BAIAP2L1: variants seen among roughly 807,000 people sequenced by gnomAD.
The protein encoded by BAIAP2L1 is BAR/IMD domain-containing adapter protein 2-like 1.
In BAIAP2L1, 35 loss-of-function variants were observed where a neutral mutation model predicts 66.3. The ratio of observed to expected loss-of-function variants is 0.53; its 90% CI spans 0.40 to 0.70. The LOEUF is 0.70. Among genes scored for constraint, BAIAP2L1 ranks in the 30% least tolerant of loss-of-function variants. BAIAP2L1 has a pLI of 0.00. For missense variants in BAIAP2L1, 622 were observed against 656.9 expected (o/e 0.95, Z 0.58); for synonymous variants, 269 against 248.7 (o/e 1.08, Z -0.77).
chr7:98,395,436 CAAA>C (rs36036652), intron 1 of BAIAP2L1, among the ~76,000 whole-genome samples: 2 of 121,194 alleles, frequency 1.7e-5, no homozygotes, highest in Non-Finnish European at 1.7e-5. Context: ...AAGACTGTCT[CAAA>C]AAAAAAAAAA....
At chr7:98,393,584 G>A (rs1450840152) in intron 1 of BAIAP2L1, among the ~76,000 whole-genome samples, 1 of 151,420 alleles carries the variant, frequency 6.6e-6, no homozygotes, top group Non-Finnish European at 1.5e-5. Flanking sequence ...TGCAAGCTCC[G>A]CCTCCTGGGT....
intron 1 of BAIAP2L1, among the ~76,000 whole-genome samples, chr7:98,395,829 G>A (rs1017874584): frequency 6.6e-6 from 1 of 151,790 alleles, no homozygotes; most frequent in African/African-American, 2.4e-5. Flanking sequence ...TCAGGAGTGC[G>A]TGACCAGCCT....
intron 1 of BAIAP2L1, among the ~76,000 whole-genome samples, chr7:98,387,394 C>A (rs888080007): frequency 2.6e-5 from 4 of 152,116 alleles, no homozygotes; most frequent in Non-Finnish European, 5.9e-5. Context: ...AAGCTCAGCC[C>A]GTACCTAACA....
intron 1 of BAIAP2L1, among the ~76,000 whole-genome samples, chr7:98,384,433 T>C (rs895615214): frequency 3.3e-5 from 5 of 152,290 alleles, no homozygotes; most frequent in East Asian, 3.9e-4. Flanking sequence ...CTAAGTGCTC[T>C]TGCCTGCCTA....
At chr7:98,390,705 C>A (rs1803016556) in intron 1 of BAIAP2L1, among the ~76,000 whole-genome samples, 1 of 151,162 alleles carries the variant, frequency 6.6e-6, no homozygotes, top group African/African-American at 2.4e-5. Context: ...GCACTACAGC[C>A]TGGGTGACAG....
At chr7:98,343,086 C>G (rs1801781791) in intron 3 of BAIAP2L1, among the ~76,000 whole-genome samples, 1 of 151,828 alleles carries the variant, frequency 6.6e-6, no homozygotes, top group Non-Finnish European at 1.5e-5. Flanking sequence ...GACCCCATGA[C>G]CTATTATTTA....
chr7:98,295,274 G>A (rs1384095555), intron 12 of BAIAP2L1, among the ~76,000 whole-genome samples: 1 of 152,164 alleles, frequency 6.6e-6, no homozygotes, highest in African/African-American at 2.4e-5. Flanking sequence ...GAGCCCCAGG[G>A]CTGTGCCTGA....
intron 3 of BAIAP2L1, among the ~76,000 whole-genome samples, chr7:98,336,010 C>T (rs567595992): frequency 7.9e-5 from 12 of 152,258 alleles, no homozygotes; most frequent in Admixed American, 7.2e-4. Context: ...ATGGATGCAG[C>T]TGGAGGCCAG....
chr7:98,337,048 G>T (rs990864887), intron 3 of BAIAP2L1, among the ~76,000 whole-genome samples: 1 of 152,086 alleles, frequency 6.6e-6, no homozygotes, highest in Non-Finnish European at 1.5e-5. Context: ...CCTGAATTTC[G>T]TATTTCCATT....
intron 9 of BAIAP2L1, chr7:98,308,583 C>T (rs1562967959): frequency 3.2e-6 from 1 of 314,862 alleles, no homozygotes; most frequent in Non-Finnish European, 6.3e-6. Flanking sequence ...ATACTCTCTA[C>T]CCATGAGCAC....
intron 11 of BAIAP2L1, among the ~76,000 whole-genome samples, chr7:98,304,752 T>C (rs562219280): frequency 1.3e-5 from 2 of 152,146 alleles, no homozygotes; most frequent in African/African-American, 2.4e-5. Context: ...TTTCACCATA[T>C]TGGCCAGGCT....
intron 1 of BAIAP2L1, among the ~76,000 whole-genome samples, chr7:98,368,362 T>C (rs1394815678): frequency 6.6e-6 from 1 of 152,144 alleles, no homozygotes; most frequent in African/African-American, 2.4e-5. Flanking sequence ...GAGGTTGCAG[T>C]GAGCTGAGAC....
chr7:98,391,934 T>C (rs1382199559), intron 1 of BAIAP2L1, among the ~76,000 whole-genome samples: 2 of 152,086 alleles, frequency 1.3e-5, no homozygotes, highest in African/African-American at 4.8e-5. Flanking sequence ...CATGAAATCG[T>C]AGGTGTTCTG....
chr7:98,368,374 G>A (rs1336001172), intron 1 of BAIAP2L1, among the ~76,000 whole-genome samples: 5 of 152,158 alleles, frequency 3.3e-5, no homozygotes, highest in Non-Finnish European at 7.4e-5. Context: ...AGCTGAGACC[G>A]TGCCATTGCA....
chr7:98,383,980 C>T (rs1802825681), intron 1 of BAIAP2L1, among the ~76,000 whole-genome samples: 1 of 151,794 alleles, frequency 6.6e-6, no homozygotes, highest in Admixed American at 6.6e-5. Context: ...AAGGTGAAAC[C>T]CTGTCTCTAC....
chr7:98,332,282 C>G (rs1801512913), intron 3 of BAIAP2L1, among the ~76,000 whole-genome samples: 1 of 138,710 alleles, frequency 7.2e-6, no homozygotes, highest in Non-Finnish European at 1.5e-5. Flanking sequence ...ACTCGGGAGG[C>G]TGAGGCAGGA....
At chr7:98,380,949 G>A (rs1802745809) in intron 1 of BAIAP2L1, among the ~76,000 whole-genome samples, 1 of 151,756 alleles carries the variant, frequency 6.6e-6, no homozygotes, top group Non-Finnish European at 1.5e-5. Context: ...TAACTAGCCT[G>A]CCCACAGCAC....
At position 98,393,192 on chromosome 7, in the gene BAIAP2L1, T is replaced by C. The variant is rs183250154; in HGVS notation, c.51+7610A>G. 4.5e-3 allele frequency among the ~76,000 whole-genome samples: 445 copies of C among 99,304 alleles called. 22 individuals are homozygous for C. The highest frequency in any genetic ancestry group is 0.012 in the African/African-American group (420 of 34,248). 65.1% of individuals were successfully genotyped at this position (99,304 alleles called of 152,430 possible). On this transcript the variant is annotated intron_variant, in intron 1 of 13. Coordinates refer to ENST00000005260, the MANE Select transcript of BAIAP2L1 (RefSeq NM_018842.5). ...GTATATATATACATATATGTGTGTG[T>C]TTATATATATATGTAATTTTTGTAT...
chr7:98,320,820 A>G (rs1483839651), intron 3 of BAIAP2L1, among the ~76,000 whole-genome samples: 1 of 151,884 alleles, frequency 6.6e-6, no homozygotes, highest in Non-Finnish European at 1.5e-5. Flanking sequence ...TAATCAGACA[A>G]ATGCAAACTC....
Sources: gnomAD v4.1 joint callset for allele counts (sites outside exome capture counted in the v4.1 genomes callset) on GRCh38, gnomAD v4.1.1 for gene constraint, MANE v1.5 for transcripts, NCBI Gene and HGNC (gene_info 2026-07-23, HGNC 2026-07-21) for gene names.